Variants in MIX23 observed in about 807,000 individuals in gnomAD.
MIX23 encodes the protein protein MIX23.
MIX23 carries 13 observed loss-of-function variants against 21.6 expected under a neutral mutation model. The ratio of observed to expected loss-of-function variants is 0.60; its 90% CI spans 0.39 to 0.96. The LOEUF (loss-of-function observed/expected upper bound fraction) is 0.96, where lower values mean the gene tolerates loss of function less well. Ranked by LOEUF, MIX23 falls within the 40% of genes least tolerant of loss-of-function variation. The pLI is 0.00. For synonymous variants in MIX23, 59 were observed against 58.0 expected (o/e 1.02, Z -0.08); for missense variants, 144 against 171.2 (o/e 0.84, Z 0.89).
chr3:122,372,273 G>A (rs958518020), intron 1 of MIX23, among the ~76,000 whole-genome samples: 11 of 140,708 alleles, frequency 7.8e-5, no homozygotes, highest in African/African-American at 3.1e-4. Context: ...ATATCAAAAG[G>A]GCAGGGAACT....
chr3:122,381,438 G>C (rs908079870), intron 1 of MIX23, among the ~76,000 whole-genome samples: 3 of 152,184 alleles, frequency 2.0e-5, no homozygotes, highest in Non-Finnish European at 4.4e-5. Flanking sequence ...AGAAGAGGAA[G>C]AGATAGGCTG....
intron 3 of MIX23, chr3:122,366,320 G>A (rs1180439680): frequency 3.3e-5 from 5 of 152,214 alleles, no homozygotes; most frequent in African/African-American, 1.2e-4. Flanking sequence ...GGCATGAGCA[G>A]GTATGGAATA....
chr3:122,361,038 T>C (rs2075354596), intron 4 of MIX23, among the ~76,000 whole-genome samples: 1 of 151,926 alleles, frequency 6.6e-6, no homozygotes, highest in Non-Finnish European at 1.5e-5. Context: ...AGAGACGGGG[T>C]TTCACCCTGT....
Position 122,382,122 on chromosome 3 carries a change from AT to A in MIX23, c.51+1051del, listed in dbSNP as rs1211257396. ...TTTTAAACACTCTTTTCTGGATTTTATTTCAATTTGGAAATAGGATATTTTA... is the reference window on the plus strand; with the variant it reads ...TTTTAAACACTCTTTTCTGGATTTTATTCAATTTGGAAATAGGATATTTTA... On this transcript the variant is annotated intron_variant, in intron 1 of 4. Coordinates refer to ENST00000291458, the MANE Select transcript of MIX23 (RefSeq NM_001017928.4). Among the ~76,000 whole-genome samples, 3 of 152,208 alleles carry A rather than the reference AT, an allele frequency of 2.0e-5. No homozygotes were observed. The East Asian group carries it at 5.8e-4, about 29-fold the overall frequency.
chr3:122,375,580 ATTAG>A (rs991992081), intron 1 of MIX23, among the ~76,000 whole-genome samples: 3 of 152,210 alleles, frequency 2.0e-5, no homozygotes, highest in African/African-American at 7.2e-5. Context: ...GTAGCCATGA[ATTAG>A]TTAGTTGTTG....
intron 2 of MIX23, 53 bp downstream of exon 2, chr3:122,371,621 TC>T: frequency 5.7e-6 from 9 of 1,588,670 alleles, no homozygotes; most frequent in Non-Finnish European, 6.9e-6. Context: ...GATTTCTTAT[TC>T]AGCCTGCAAA....
At chr3:122,373,111 T>C in intron 1 of MIX23, 1 of 364,834 alleles carries the variant, frequency 2.7e-6, no homozygotes, top group Non-Finnish European at 5.3e-6. Flanking sequence ...ATAAAAATCA[T>C]CCATAGTTAA....
chr3:122,371,544 T>C, intron 2 of MIX23, 131 bp downstream of exon 2: 1 of 1,020,934 alleles, frequency 9.8e-7, no homozygotes. Flanking sequence ...AAAACTTATA[T>C]ACACCATCAG....
At chr3:122,375,095 C>A (rs1382343465) in intron 1 of MIX23, among the ~76,000 whole-genome samples, 1 of 152,142 alleles carries the variant, frequency 6.6e-6, no homozygotes, top group Non-Finnish European at 1.5e-5. Flanking sequence ...GATTGCACCA[C>A]TGCACTCCAG....
At chr3:122,367,365 TAATAAA>T (rs1232351290) in intron 3 of MIX23, among the ~76,000 whole-genome samples, 2 of 152,212 alleles carry the variant, frequency 1.3e-5, no homozygotes, top group Non-Finnish European at 2.9e-5. Context: ...AAATCCCACA[TAATAAA>T]ATATGCTGTA....
Position 122,368,357 on chromosome 3 carries a change from A to AG in MIX23, c.178-36_178-35insC, listed in dbSNP as rs766618511. On this transcript the variant is annotated intron_variant, in intron 2 of 4. Coordinates refer to ENST00000291458, the MANE Select transcript of MIX23 (RefSeq NM_001017928.4). ...CAAAGGAATGAAAGGAGAAAAAAAAACTGCATAAATTTATCACATTTTAGT... is the reference window on the plus strand; with the variant it reads ...CAAAGGAATGAAAGGAGAAAAAAAAAGCTGCATAAATTTATCACATTTTAGT... 1.9e-6 allele frequency: 3 copies of AG among 1,540,234 alleles called. No homozygotes were observed. The East Asian group carries it at 6.9e-5, about 35-fold the overall frequency.
rs2075442698 is a variant in MIX23, at chr3:122,371,672, T to G, written c.177+3A>C. On this transcript the variant is annotated splice_donor_region_variant and intron_variant, in intron 2 of 4. Coordinates refer to ENST00000291458, the MANE Select transcript of MIX23 (RefSeq NM_001017928.4). ...AAGCAAAAGACTCAAAAAATACACT[T>G]ACAGACTCATAAAGTTGTTTACAGG... 6.2e-7 allele frequency: 1 copy of G among 1,611,744 alleles called. No homozygotes were observed.
Position 122,363,006 on chromosome 3 carries a change from G to C in MIX23, c.346C>G (p.Leu116Val), listed in dbSNP as rs533665722. The C allele has an allele frequency of 6.2e-7, 1 of 1,610,440 alleles. No individual in the cohort carries two copies. The highest frequency in any genetic ancestry group is 8.5e-7 in the Non-Finnish European group (1 of 1,178,544). Residue 116 changes from leucine to valine, a missense_variant, in exon 4 of 5, where the codon CTG becomes GTG. Transcript: ENST00000291458. ...TCATTTACCACTTCTTCAACATTCA[G>C]TTCTGACTGCATCCATTTCAACTGC... ...QTKLKWMQSE[L>V]NVEEVVNDRS...
At chr3:122,370,700 C>T (rs1576234807) in intron 2 of MIX23, among the ~76,000 whole-genome samples, 1 of 152,062 alleles carries the variant, frequency 6.6e-6, no homozygotes, top group East Asian at 1.9e-4. Context: ...AATTCTAGTT[C>T]TTCAGACAGA....
At chr3:122,364,606 G>A (rs187911822) in intron 3 of MIX23, among the ~76,000 whole-genome samples, 1 of 152,208 alleles carries the variant, frequency 6.6e-6, no homozygotes, top group East Asian at 1.9e-4. Flanking sequence ...GAAAATCTTC[G>A]AACATTAGAA....
At chr3:122,374,635 G>C (rs977912870) in intron 1 of MIX23, among the ~76,000 whole-genome samples, 2 of 152,138 alleles carry the variant, frequency 1.3e-5, no homozygotes, top group Non-Finnish European at 2.9e-5. Flanking sequence ...TTGAATCCAT[G>C]GATGTAAAAC....
intron 1 of MIX23, among the ~76,000 whole-genome samples, chr3:122,381,054 A>T (rs563575797): frequency 7.2e-5 from 11 of 152,216 alleles, no homozygotes; most frequent in African/African-American, 2.6e-4. Context: ...CTGATTTTCT[A>T]TTTCCTTTAA....
intron 4 of MIX23, among the ~76,000 whole-genome samples, chr3:122,361,706 T>C (rs534232840): frequency 4.6e-5 from 7 of 152,308 alleles, no homozygotes; most frequent in African/African-American, 1.7e-4. Context: ...GTAAATATTA[T>C]TTTTCCAGAG....
chr3:122,371,656 ACT>A lies in MIX23; in HGVS notation c.177+17_177+18del. The A allele has an allele frequency of 3.1e-6, 5 of 1,611,048 alleles. No homozygotes were observed. Among genetic ancestry groups the A allele is most frequent in the Non-Finnish European group, 2.5e-6 (3 of 1,179,432 alleles). On this transcript the variant is annotated intron_variant, in intron 2 of 4. Transcript: ENST00000291458. The stretch of plus-strand genomic sequence containing the variant: ...AAGAAAGGCATGAAAGAAGCAAAAG[ACT>A]CAAAAAATACACTTACAGACTCATA...
Sources: allele counts gnomAD v4.1 joint callset (sites outside exome capture counted in the v4.1 genomes callset), GRCh38; gene constraint gnomAD v4.1.1; transcripts MANE v1.5; gene names NCBI Gene and HGNC (gene_info 2026-07-23, HGNC 2026-07-21).